ZNF862: variants seen among roughly 807,000 people sequenced by gnomAD.
ZNF862 encodes the protein zinc finger protein 862.
ZNF862 carries 64 observed loss-of-function variants against 91.1 expected under a neutral mutation model. The observed-to-expected ratio is 0.70, with a 90% CI of 0.57 to 0.87. The LOEUF (loss-of-function observed/expected upper bound fraction) is 0.87, where lower values mean the gene tolerates loss of function less well. Among genes scored for constraint, ZNF862 ranks in the 40% least tolerant of loss-of-function variants. ZNF862 has a pLI of 0.00. For synonymous variants in ZNF862, 631 were observed against 618.1 expected, an observed-to-expected ratio of 1.02 and a Z score of -0.31; for missense variants, 1,459 against 1,528.0, an observed-to-expected ratio of 0.95 and a Z score of 0.75.
chr7:149,842,140 G>T (rs769307895), intron 1 of ZNF862, among the ~76,000 whole-genome samples: 1 of 152,140 alleles, frequency 6.6e-6, no homozygotes, highest in Non-Finnish European at 1.5e-5. Context: ...AACGTGAATC[G>T]CGACTTTATG....
intron 5 of ZNF862, among the ~76,000 whole-genome samples, chr7:149,851,136 C>T (rs1359251151): frequency 4.6e-5 from 7 of 152,348 alleles, no homozygotes; most frequent in Admixed American, 6.5e-5. Context: ...CTCACTCTGT[C>T]GCCCAAGCTG....
At position 149,846,130 on chromosome 7, in the gene ZNF862, C is replaced by CTT. The variant is rs34196240; in HGVS notation, c.137-10_137-9dup. The CTT allele has an allele frequency of 1.5e-3, 2,050 of 1,356,836 alleles. 1 individual carries two copies. Among genetic ancestry groups the CTT allele is most frequent in the East Asian group, 5.1e-3 (205 of 40,354 alleles). 84.0% of individuals were successfully genotyped at this position (1,356,836 alleles called of 1,614,324 possible). ...AGTGCTTTTCTCTCTCTCTCGCTCTCTTTTTTTTTTTTGGACTCAGGACCA... is the reference window on the plus strand; with the variant it reads ...AGTGCTTTTCTCTCTCTCTCGCTCTCTTTTTTTTTTTTTTGGACTCAGGACCA... On this transcript the variant is annotated intron_variant, in intron 2 of 7. Transcript: ENST00000223210.
chr7:149,851,336 G>A (rs1042451232), intron 5 of ZNF862, among the ~76,000 whole-genome samples: 2 of 152,308 alleles, frequency 1.3e-5, no homozygotes, highest in Admixed American at 1.3e-4. Flanking sequence ...TGGCCAACAT[G>A]TTTTTGTCAT....
intron 1 of ZNF862, among the ~76,000 whole-genome samples, chr7:149,842,755 C>T (rs1801751037): frequency 6.6e-6 from 1 of 152,190 alleles, no homozygotes; most frequent in Non-Finnish European, 1.5e-5. Context: ...GCCCTCCCGT[C>T]CTGGGATACA....
intron 1 of ZNF862, among the ~76,000 whole-genome samples, chr7:149,839,477 A>G (rs1241579011): frequency 6.6e-6 from 1 of 152,220 alleles, no homozygotes; most frequent in African/African-American, 2.4e-5. Context: ...TGTGATTTGC[A>G]TTGAACGAGA....
chr7:149,860,963 G>T lies in ZNF862; in HGVS notation c.1803G>T (p.Gln601His), dbSNP rs774004614. 1 of 1,613,674 alleles carries T rather than the reference G, an allele frequency of 6.2e-7. No homozygotes were observed. Among genetic ancestry groups the T allele is most frequent in the Non-Finnish European group, 8.5e-7 (1 of 1,179,834 alleles). ...ACCGCAATCGCACGGCGTGCACTCA[G>T]TTCATCAAGTACATCTCAGAGACCC... ...GKYRNRTACTQFIKYISETLK... is the reference protein window; with the variant it reads ...GKYRNRTACTHFIKYISETLK... The change falls in exon 7 of 8, where the codon CAG becomes CAT. Residue 601 changes from glutamine to histidine, a missense_variant. Gln to His is a conservative substitution (Grantham distance 24). Coordinates refer to ENST00000223210, the MANE Select transcript of ZNF862 (RefSeq NM_001099220.3).
rs768472454 is a variant in ZNF862 at position 149,861,746 on chromosome 7, C to T, written c.2586C>T (p.Ile862=). The change falls in exon 7 of 8, where the codon ATC becomes ATT. Residue 862 remains isoleucine, a synonymous_variant. Transcript: ENST00000223210. The surrounding 1 kb of genome is among the most constrained non-coding windows in gnomAD (Gnocchi z 6.7). The part of the protein sequence containing the change: ...RPLSEVCQKE[I]VLITEVNATL... ...TGTCCGAGGTGTGCCAGAAGGAGAT[C>T]GTGCTGATTACAGAGGTGAACGCCA... is the stretch of plus-strand genomic sequence containing the variant. The T allele has an allele frequency of 8.1e-6, 13 of 1,613,448 alleles. No individual in the cohort carries two copies. In the Admixed American group the frequency reaches 1.2e-4, roughly 14 times the overall value.
At chr7:149,853,591 G>A (rs1802146888) in intron 5 of ZNF862, among the ~76,000 whole-genome samples, 1 of 152,276 alleles carries the variant, frequency 6.6e-6, no homozygotes, top group South Asian at 2.1e-4. Flanking sequence ...GAATATAAAT[G>A]GAGGCAAACA....
intron 5 of ZNF862, chr7:149,856,317 A>G (rs1013437294): frequency 6.6e-6 from 1 of 152,176 alleles, no homozygotes; most frequent in Non-Finnish European, 1.5e-5. Flanking sequence ...GCCCTGTTAC[A>G]TCACCTGGGC....
Position 149,850,765 on chromosome 7 carries a change from G to A in ZNF862, c.1117+427G>A, listed in dbSNP as rs1419479015. ...CCTGGGCATTGGTGGGAGGAATCAG[G>A]AAGCCTTTATAGAGTAGGAAATGTT... On this transcript the variant is annotated intron_variant, in intron 5 of 7. Transcript: ENST00000223210. This position sits in a 1 kb window ranked among gnomAD's most constrained non-coding sequence, Gnocchi z 4.2. The A allele has an allele frequency of 6.1e-6, 1 of 164,944 alleles. No individual in the cohort carries two copies. Among genetic ancestry groups the A allele is most frequent in the Admixed American group, 5.5e-5 (1 of 18,174 alleles). The allele number at this position is 164,944 out of a possible 1,614,324, so 10.2% of individuals were successfully genotyped here. A position where few individuals can be genotyped will look rare whatever the true frequency, so the allele number is the denominator to read the frequency against.
In ZNF862 at chr7:149,861,350, C is replaced by T. The variant is rs1167472094; in HGVS notation, c.2190C>T (p.His730=). ...TCCACTGCGTGGCCCACCGGCTGCACCTGGCTGTGGTGGACGCCTGCGGGA... is the reference window on the plus strand; with the variant it reads ...TCCACTGCGTGGCCCACCGGCTGCATCTGGCTGTGGTGGACGCCTGCGGGA... ...LPVHCVAHRL[H]LAVVDACGSI... Residue 730 remains histidine, a synonymous_variant, in exon 7 of 8, where the codon CAC becomes CAT. Transcript: ENST00000223210. This position sits in a 1 kb window ranked among gnomAD's most constrained non-coding sequence, Gnocchi z 6.7. 3 of 1,613,114 alleles carry T rather than the reference C, an allele frequency of 1.9e-6. No homozygotes were observed. Among genetic ancestry groups the T allele is most frequent in the Admixed American group, 1.7e-5 (1 of 60,030 alleles).
chr7:149,852,258 T>A lies in ZNF862; in HGVS notation c.1117+1920T>A, dbSNP rs949080019. 3 of 151,848 alleles carry A rather than the reference T, an allele frequency of 2.0e-5. No homozygotes were observed. In the South Asian group the frequency reaches 6.2e-4, roughly 31 times the overall value. 9.4% of individuals were successfully genotyped at this position (151,848 alleles called of 1,614,324 possible). ...CCCACACTTTACCCTCCATAACAAATGCTCTAAGAGTTGAAAACCAAATAT... is the reference window on the plus strand; with the variant it reads ...CCCACACTTTACCCTCCATAACAAAAGCTCTAAGAGTTGAAAACCAAATAT... On this transcript the variant is annotated intron_variant, in intron 5 of 7. Transcript: ENST00000223210.
At chr7:149,840,666 A>T (rs1801673205) in intron 1 of ZNF862, among the ~76,000 whole-genome samples, 1 of 147,310 alleles carries the variant, frequency 6.8e-6, no homozygotes, top group Non-Finnish European at 1.5e-5. Flanking sequence ...CCATATTCTT[A>T]CTGTACCTTT....
chr7:149,859,142 C>T (rs1345389706), intron 5 of ZNF862: 1 of 491,466 alleles, frequency 2.0e-6, no homozygotes, highest in East Asian at 3.7e-5. Context: ...CTCTCTCCTG[C>T]TTAGTCCCTA....
chr7:149,859,575 C>A (rs768500832), intron 6 of ZNF862, 49 bp downstream of exon 6: 5 of 1,449,472 alleles, frequency 3.4e-6, no homozygotes, highest in Non-Finnish European at 4.7e-6. Flanking sequence ...AGGGCCCAGG[C>A]GGCTATGATG....
Position 149,862,282 on chromosome 7 carries a change from G to T in ZNF862, c.3122G>T (p.Arg1041Leu). The T allele has an allele frequency of 6.2e-7, 1 of 1,613,556 alleles. No individual in the cohort carries two copies. Residue 1041 changes from arginine to leucine, a missense_variant, in exon 7 of 8, where the codon CGG becomes CTG. Coordinates refer to ENST00000223210, the MANE Select transcript of ZNF862 (RefSeq NM_001099220.3). ...CCCATCTCCACCTCTTGCTGTGAGCGGGGGTTCAAGGCCATGAACCGAATC... is the reference window on the plus strand; with the variant it reads ...CCCATCTCCACCTCTTGCTGTGAGCTGGGGTTCAAGGCCATGAACCGAATC... ...CVPISTSCCE[R>L]GFKAMNRIRT...
rs748041331 is a variant in ZNF862 at position 149,864,273 on chromosome 7, G to A, written c.3499G>A (p.Gly1167Arg). 7.5e-6 allele frequency: 12 copies of A among 1,598,580 alleles called. No homozygotes were observed. The highest frequency in any genetic ancestry group is 1.3e-5 in the African/African-American group (1 of 74,590). Residue 1167 changes from glycine to arginine, a missense_variant, in exon 8 of 8, where the codon GGG becomes AGG. Physicochemically the swap from Gly to Arg is moderately radical, Grantham distance 125. Coordinates refer to ENST00000223210, the MANE Select transcript of ZNF862 (RefSeq NM_001099220.3). ...TCCCCACACCAGCCAGGAGGCCCCCGGGATGTCCTGAGGGACAGGGAGTCC... is the reference window on the plus strand; with the variant it reads ...TCCCCACACCAGCCAGGAGGCCCCCAGGATGTCCTGAGGGACAGGGAGTCC... ...LYPHTSQEAP[G>R]MS
At chr7:149,860,153 G>A in intron 6 of ZNF862, 1 of 547,266 alleles carries the variant, frequency 1.8e-6, no homozygotes, top group Non-Finnish European at 3.2e-6. Context: ...TTGGGGCGCT[G>A]GTGAAAGAAC....
chr7:149,840,956 C>T (rs982756416), intron 1 of ZNF862: 14 of 985,358 alleles, frequency 1.4e-5, no homozygotes, highest in African/African-American at 5.2e-5. Flanking sequence ...AACCTGATTC[C>T]GTGTCCTGTC....
Sources: allele counts gnomAD v4.1 joint callset (sites outside exome capture counted in the v4.1 genomes callset), GRCh38; gene constraint gnomAD v4.1.1; non-coding constraint Gnocchi (gnomAD v3.1); transcripts MANE v1.5; gene names NCBI Gene and HGNC (gene_info 2026-07-23, HGNC 2026-07-21).